NEGR1: variants seen among roughly 807,000 people sequenced by gnomAD.
NEGR1 encodes IgLON family member 4.
A neutral mutation model predicts 40.9 loss-of-function variants in NEGR1; 10 were observed. That is an observed-to-expected ratio of 0.24 (90% CI 0.15 to 0.42). NEGR1 has a LOEUF of 0.42. Among genes scored for constraint, NEGR1 ranks in the 10% least tolerant of loss-of-function variants. NEGR1 has a pLI of 1.00. For missense variants in NEGR1, 352 were observed against 438.9 expected, an observed-to-expected ratio of 0.80 and a Z score of 1.77; for synonymous variants, 185 against 166.8, an observed-to-expected ratio of 1.11 and a Z score of -0.84.
intron 1 of NEGR1, among the ~76,000 whole-genome samples, chr1:72,209,153 T>A (rs550308904): frequency 1.1e-4 from 16 of 151,796 alleles, no homozygotes; most frequent in African/African-American, 3.9e-4. Context: ...TAAACTCTTT[T>A]AATTTTACTA....
intron 1 of NEGR1, among the ~76,000 whole-genome samples, chr1:72,183,951 T>C (rs1334257905): frequency 2.0e-5 from 3 of 152,034 alleles, no homozygotes; most frequent in Non-Finnish European, 2.9e-5. Context: ...TTAGCATGAA[T>C]ATAGACAAAG....
intron 3 of NEGR1, among the ~76,000 whole-genome samples, chr1:71,700,396 T>G (rs1653648643): frequency 1.3e-5 from 2 of 152,034 alleles, no homozygotes; most frequent in African/African-American, 4.8e-5. Flanking sequence ...GAATGGTTAC[T>G]TAGCTCACTA....
intron 1 of NEGR1, among the ~76,000 whole-genome samples, chr1:71,937,021 G>GA (rs1211280947): frequency 2.0e-5 from 3 of 152,190 alleles, no homozygotes; most frequent in African/African-American, 7.2e-5. Context: ...CACCTTGGGG[G>GA]ATTGAACACA....
intron 1 of NEGR1, among the ~76,000 whole-genome samples, chr1:72,072,065 T>C (rs1647486091): frequency 6.6e-6 from 1 of 152,180 alleles, no homozygotes; most frequent in African/African-American, 2.4e-5. Flanking sequence ...TTACTTAGTA[T>C]TGAAATAGAC....
Position 71,397,552 on chromosome 1 carries a change from C to T in NEGR1, c.*9894G>A, listed in dbSNP as rs1294096907. On this transcript the variant is annotated 3_prime_UTR_variant, in exon 7 of 7. Coordinates refer to ENST00000357731, the MANE Select transcript of NEGR1 (RefSeq NM_173808.3). Reference sequence around the variant, plus strand: ...ATGTTGGCCAGGTTGGTCTCAAATTCGTGACCTCAGGTGATCTGCCTGTCT... The same window carrying T: ...ATGTTGGCCAGGTTGGTCTCAAATTTGTGACCTCAGGTGATCTGCCTGTCT... The T allele has an allele frequency of 2.0e-5, 3 of 152,152 alleles. No homozygotes were observed. The highest frequency in any genetic ancestry group is 4.4e-5 in the Non-Finnish European group (3 of 68,074). 9.4% of individuals were successfully genotyped at this position (152,152 alleles called of 1,614,324 possible).
intron 4 of NEGR1, among the ~76,000 whole-genome samples, chr1:71,683,780 T>TTA (rs1433242182): frequency 6.6e-6 from 1 of 151,610 alleles, no homozygotes; most frequent in African/African-American, 2.4e-5. Context: ...AGGATTTTTT[T>TTA]TTTTTTTTAA....
At chr1:72,153,664 A>C (rs1281395018) in intron 1 of NEGR1, among the ~76,000 whole-genome samples, 1 of 151,834 alleles carries the variant, frequency 6.6e-6, no homozygotes, top group Non-Finnish European at 1.5e-5. Flanking sequence ...GATTGAAACC[A>C]CTCATATGAA....
intron 3 of NEGR1, among the ~76,000 whole-genome samples, chr1:71,758,847 C>T (rs1275041285): frequency 4.6e-5 from 7 of 152,124 alleles, no homozygotes; most frequent in Non-Finnish European, 1.0e-4. Flanking sequence ...AAGAACAGCA[C>T]AAAATTCCAG....
At chr1:71,609,755 G>C (rs1650192320) in intron 5 of NEGR1, among the ~76,000 whole-genome samples, 2 of 151,960 alleles carry the variant, frequency 1.3e-5, no homozygotes, top group African/African-American at 2.4e-5. Context: ...AGCTGCAATT[G>C]GTTATGAGCC....
At chr1:72,056,756 G>T (rs1303038716) in intron 1 of NEGR1, among the ~76,000 whole-genome samples, 1 of 151,378 alleles carries the variant, frequency 6.6e-6, no homozygotes, top group Non-Finnish European at 1.5e-5. Context: ...ACACAACAGT[G>T]TTCTAAGTAA....
Position 72,215,172 on chromosome 1 carries a change from T to C in NEGR1, c.176+67147A>G, listed in dbSNP as rs187084061. Among the ~76,000 whole-genome samples, 1,493 of 151,768 alleles carry C rather than the reference T, an allele frequency of 9.8e-3. 24 individuals are homozygous for C. Among genetic ancestry groups the C allele is most frequent in the African/African-American group, 0.034 (1,417 of 41,448 alleles). On this transcript the variant is annotated intron_variant, in intron 1 of 6. Coordinates refer to ENST00000357731, the MANE Select transcript of NEGR1 (RefSeq NM_173808.3). ...AAACTGGCTAGCCATATGCAGAAAA[T>C]AGAAACTGGACCCCTTCCTTAGACC...
At chr1:71,803,870 C>T (rs1451559307) in intron 2 of NEGR1, among the ~76,000 whole-genome samples, 2 of 151,988 alleles carry the variant, frequency 1.3e-5, no homozygotes, top group Non-Finnish European at 2.9e-5. Context: ...CACTTCAGTG[C>T]CTAGAATAGA....
chr1:71,800,421 C>G (rs536524083), intron 2 of NEGR1, among the ~76,000 whole-genome samples: 4 of 152,038 alleles, frequency 2.6e-5, no homozygotes, highest in Non-Finnish European at 5.9e-5. Flanking sequence ...AAGTCTTTGC[C>G]CATGCCTATG....
chr1:72,047,050 A>G (rs763276593), intron 1 of NEGR1, among the ~76,000 whole-genome samples: 1 of 151,554 alleles, frequency 6.6e-6, no homozygotes, highest in Non-Finnish European at 1.5e-5. Context: ...CTTAGTATCA[A>G]AAAACCTTTA....
intron 6 of NEGR1, among the ~76,000 whole-genome samples, chr1:71,519,872 A>T (rs1647142945): frequency 6.6e-6 from 1 of 152,044 alleles, no homozygotes; most frequent in Admixed American, 6.6e-5. Context: ...TTTTAAGAGA[A>T]AATATGAAAA....
At chr1:72,085,194 A>G (rs538940975) in intron 1 of NEGR1, among the ~76,000 whole-genome samples, 16 of 152,340 alleles carry the variant, frequency 1.1e-4, no homozygotes, top group Admixed American at 8.5e-4. Flanking sequence ...CATGTAATGC[A>G]TAATTATGGG....
intron 6 of NEGR1, among the ~76,000 whole-genome samples, chr1:71,459,917 T>C (rs1338200363): frequency 6.6e-6 from 1 of 152,220 alleles, no homozygotes; most frequent in African/African-American, 2.4e-5. Flanking sequence ...ATATCAGTAC[T>C]ATTGACAATC....
chr1:72,053,914 C>G (rs1647086393), intron 1 of NEGR1, among the ~76,000 whole-genome samples: 1 of 149,900 alleles, frequency 6.7e-6, no homozygotes, highest in Non-Finnish European at 1.5e-5. Context: ...AGAACCTCAA[C>G]TAGATGTTTG....
chr1:71,789,266 G>C (rs780180169), intron 2 of NEGR1, among the ~76,000 whole-genome samples: 15 of 152,044 alleles, frequency 9.9e-5, no homozygotes, highest in Non-Finnish European at 1.6e-4. Context: ...TCTTTTTGTA[G>C]ATATTTCTGG....
Sources: gnomAD v4.1 joint callset for allele counts (sites outside exome capture counted in the v4.1 genomes callset) on GRCh38, gnomAD v4.1.1 for gene constraint, MANE v1.5 for transcripts, NCBI Gene and HGNC (gene_info 2026-07-23, HGNC 2026-07-21) for gene names.